The following ATP9A variants were observed in gnomAD, a reference collection of about 807,000 sequenced individuals.
ATP9A encodes the protein probable phospholipid-transporting ATPase IIA.
A neutral mutation model predicts 144.1 loss-of-function variants in ATP9A; 52 were observed. That is an observed-to-expected ratio of 0.36 (90% CI 0.29 to 0.45). The LOEUF (loss-of-function observed/expected upper bound fraction) is 0.45. Among genes scored for constraint, ATP9A ranks in the 20% least tolerant of loss-of-function variants. The pLI is 1.00. For synonymous variants in ATP9A, 582 were observed against 557.4 expected, an observed-to-expected ratio of 1.04 and a Z score of -0.62; for missense variants, 947 against 1,392.7, an observed-to-expected ratio of 0.68 and a Z score of 5.09.
At chr20:51,746,940 AG>A (rs928262367) in intron 1 of ATP9A, among the ~76,000 whole-genome samples, 5 of 137,854 alleles carry the variant, frequency 3.6e-5, no homozygotes, top group South Asian at 2.4e-4. Flanking sequence ...CAGGAGGCGG[AG>A]GTTGCAGTGA....
chr20:51,725,040 G>A (rs1375007694), intron 3 of ATP9A, among the ~76,000 whole-genome samples: 1 of 152,150 alleles, frequency 6.6e-6, no homozygotes, highest in Non-Finnish European at 1.5e-5. Flanking sequence ...AATCCAAAAT[G>A]CTCCAGTGAG....
intron 1 of ATP9A, among the ~76,000 whole-genome samples, chr20:51,753,654 TTC>T (rs1305566797): frequency 2.7e-5 from 4 of 146,436 alleles, no homozygotes; most frequent in East Asian, 1.9e-4. Flanking sequence ...TCTCTCATTT[TTC>T]TTTTTCTTTC....
At chr20:51,697,512 C>A in intron 4 of ATP9A, 30 bp from the exon 5 acceptor site, 1 of 1,606,176 alleles carries the variant, frequency 6.2e-7, no homozygotes, top group African/African-American at 1.3e-5. Context: ...AGATACATCA[C>A]CATCTTAATT....
At position 51,676,857 on chromosome 20, in the gene ATP9A, C is replaced by G. The variant is rs144383373; in HGVS notation, c.800-649G>C. Reference sequence around the variant, plus strand: ...TCTTGAACTCCTGACTTCAACTGATCCATCTGCCTCGGCCTCCCAAAGTTC... The same window carrying G: ...TCTTGAACTCCTGACTTCAACTGATGCATCTGCCTCGGCCTCCCAAAGTTC... On this transcript the variant is annotated intron_variant, in intron 9 of 27. Coordinates refer to ENST00000338821, the MANE Select transcript of ATP9A (RefSeq NM_006045.3). Among the ~76,000 whole-genome samples the G allele has an allele frequency of 3.7e-3, 562 of 151,426 alleles. 5 individuals are homozygous for G. Among genetic ancestry groups the G allele is most frequent in the African/African-American group, 0.013 (543 of 41,286 alleles).
intron 13 of ATP9A, among the ~76,000 whole-genome samples, chr20:51,663,863 TAAG>T (rs953110201): frequency 1.3e-5 from 2 of 150,822 alleles, no homozygotes; most frequent in African/African-American, 4.9e-5. Context: ...ATGCAGAAAG[TAAG>T]AAGAACGCTC....
intron 15 of ATP9A, 72 bp downstream of exon 15, chr20:51,639,271 T>C (rs1272889458): frequency 1.4e-6 from 2 of 1,451,170 alleles, no homozygotes. Context: ...AGAAAGAATG[T>C]CAACCCACAG....
At chr20:51,707,547 G>C (rs1359433667) in intron 4 of ATP9A, among the ~76,000 whole-genome samples, 1 of 152,098 alleles carries the variant, frequency 6.6e-6, no homozygotes, top group Non-Finnish European at 1.5e-5. Context: ...CCCTGATGTA[G>C]ATTCATTTAC....
intron 10 of ATP9A, among the ~76,000 whole-genome samples, chr20:51,675,790 G>T (rs1031017045): frequency 2.0e-5 from 3 of 151,748 alleles, no homozygotes; most frequent in Non-Finnish European, 4.4e-5. Flanking sequence ...GGAGTTGGGA[G>T]GATTGCTTGA....
chr20:51,768,390 TGGCCGCCGCGCCCCCCGCGCCGCCTG>T (rs1487614754), upstream of ATP9A: 6 of 1,105,022 alleles, frequency 5.4e-6, no homozygotes, highest in Non-Finnish European at 6.6e-6. Flanking sequence ...CCGCCCGCCT[TGGCCGCCGCGCCCCCCGCGCCGCCTG>T]GGCCGCCGCC....
intron 1 of ATP9A, among the ~76,000 whole-genome samples, chr20:51,742,177 T>C (rs2031346): frequency 7.3e-5 from 11 of 151,680 alleles, no homozygotes; most frequent in African/African-American, 2.7e-4. Flanking sequence ...TCAAAAATAA[T>C]TAGCCAGGCA....
intron 12 of ATP9A, among the ~76,000 whole-genome samples, chr20:51,670,435 A>C (rs531588536): frequency 1.4e-4 from 21 of 152,310 alleles, no homozygotes; most frequent in Non-Finnish European, 2.8e-4. Flanking sequence ...ATCAGATTCT[A>C]TCTCGAAGGA....
rs1002884951 is a variant in ATP9A, at chr20:51,604,883, T to C, written c.2941A>G (p.Thr981Ala). ...LTIQTWHWLMTVAELLSLACY... is the reference protein window; with the variant it reads ...LTIQTWHWLMAVAELLSLACY... ...GCCAGGCTGAGCAGCTCCGCCACTG[T>C]CATGAGCCAGTGCCAGGTCTGGATG... The change falls in exon 27 of 28, where the codon ACA becomes GCA. Residue 981 changes from threonine to alanine, a missense_variant. Physicochemically the swap from Thr to Ala is moderately conservative, Grantham distance 58 (BLOSUM62 0). Transcript: ENST00000338821. 1.3e-5 allele frequency: 21 copies of C among 1,605,404 alleles called. No homozygotes were observed. Among genetic ancestry groups the C allele is most frequent in the Non-Finnish European group, 1.6e-5 (19 of 1,175,760 alleles).
rs2077186203 is a variant in ATP9A, at chr20:51,611,891, T to C, written c.2572-1726A>G. Among the ~76,000 whole-genome samples, 1 of 152,136 alleles carries C rather than the reference T, an allele frequency of 6.6e-6. No individual in the cohort carries two copies. The highest frequency in any genetic ancestry group is 1.5e-5 in the Non-Finnish European group (1 of 68,014). ...ACAATTGCAATAGATATTTAAAACA[T>C]AAAATCACCCCCAAAAAACTGGGGT... On this transcript the variant is annotated intron_variant, in intron 23 of 27. Transcript: ENST00000338821. This position sits in a 1 kb window ranked among gnomAD's most constrained non-coding sequence, Gnocchi z 4.2.
chr20:51,689,237 T>TC (rs768486823), intron 8 of ATP9A, 98 bp from the exon 9 acceptor site: 13 of 1,228,392 alleles, frequency 1.1e-5, no homozygotes, highest in Admixed American at 6.3e-5. Flanking sequence ...AAAGACAGGC[T>TC]CCCCCCGATG....
At chr20:51,728,493 T>C (rs1230821758) in intron 2 of ATP9A, among the ~76,000 whole-genome samples, 1 of 151,966 alleles carries the variant, frequency 6.6e-6, no homozygotes, top group Non-Finnish European at 1.5e-5. Context: ...CCGGGCGTGG[T>C]GGCGGGTGCC....
rs139614451 is a variant in ATP9A, at chr20:51,634,030, C to T, written c.1669-4958G>A. 2.6e-4 allele frequency among the ~76,000 whole-genome samples: 40 copies of T among 152,086 alleles called. 1 individual carries two copies. In the East Asian group the frequency reaches 5.0e-3, roughly 19 times the overall value. On this transcript the variant is annotated intron_variant, in intron 15 of 27. Transcript: ENST00000338821. ...TAATAACCTGGGAAGGGGGGCATGCCAGGTTAAAACAAAAATAGATCTGCC... is the reference window on the plus strand; with the variant it reads ...TAATAACCTGGGAAGGGGGGCATGCTAGGTTAAAACAAAAATAGATCTGCC...
intron 10 of ATP9A, among the ~76,000 whole-genome samples, chr20:51,675,887 G>GA (rs375688302): frequency 0.35 from 35,720 of 103,398 alleles, 5,087 homozygotes; most frequent in African/African-American, 0.47. Context: ...CTCAAAAAAA[G>GA]AAAAAAAAAA....
chr20:51,624,449 C>T (rs2077239458), intron 18 of ATP9A, among the ~76,000 whole-genome samples: 1 of 152,128 alleles, frequency 6.6e-6, no homozygotes, highest in African/African-American at 2.4e-5. Context: ...AGATTCAACT[C>T]CTAGTATTTT....
At chr20:51,629,611 T>G (rs2077262768) in intron 15 of ATP9A, among the ~76,000 whole-genome samples, 1 of 152,222 alleles carries the variant, frequency 6.6e-6, no homozygotes, top group African/African-American at 2.4e-5. Flanking sequence ...GTCTCTAGAC[T>G]TTAGCAAATG....
Sources: gnomAD v4.1 joint callset for allele counts (sites outside exome capture counted in the v4.1 genomes callset) on GRCh38, gnomAD v4.1.1 for gene constraint, Gnocchi (gnomAD v3.1) non-coding constraint, MANE v1.5 for transcripts, NCBI Gene and HGNC (gene_info 2026-07-23, HGNC 2026-07-21) for gene names.